The following SYN2 variants were observed in gnomAD, a reference collection of about 807,000 sequenced individuals.
SYN2 encodes the protein synapsin-2.
SYN2 carries 19 observed loss-of-function variants against 50.9 expected under a neutral mutation model. The observed-to-expected ratio is 0.37, with a 90% CI of 0.26 to 0.55. The LOEUF (loss-of-function observed/expected upper bound fraction) is 0.55, where lower values mean the gene tolerates loss of function less well. SYN2 is among the 20% of genes least tolerant of loss of function. SYN2 has a pLI of 0.81. For synonymous variants in SYN2, 255 were observed against 224.9 expected (o/e 1.13, Z -1.20); for missense variants, 587 against 576.4 (o/e 1.02, Z -0.19).
chr3:12,115,720 A>G (rs1696418979), intron 1 of SYN2, among the ~76,000 whole-genome samples: 2 of 152,258 alleles, frequency 1.3e-5, no homozygotes, highest in Middle Eastern at 3.4e-3. Flanking sequence ...AATTTACATT[A>G]GGGTAAAAGA....
At chr3:12,189,302 T>A (rs1480437396) in intron 12 of SYN2, among the ~76,000 whole-genome samples, 3 of 152,220 alleles carry the variant, frequency 2.0e-5, no homozygotes, top group Admixed American at 2.0e-4. Flanking sequence ...GGCCTTGTGC[T>A]TCATGGTTTT....
intron 1 of SYN2, among the ~76,000 whole-genome samples, chr3:12,096,440 A>G (rs1695936167): frequency 1.3e-5 from 2 of 152,178 alleles, no homozygotes; most frequent in Admixed American, 1.3e-4. Flanking sequence ...CCAGAAGGAC[A>G]TCCTCACTAA....
intron 1 of SYN2, among the ~76,000 whole-genome samples, chr3:12,051,653 G>A (rs1051890574): frequency 6.6e-6 from 1 of 152,146 alleles, no homozygotes; most frequent in African/African-American, 2.4e-5. Context: ...TAGATCTCAG[G>A]TCTCTGAAAC....
chr3:12,058,353 A>T (rs902942525), intron 1 of SYN2, among the ~76,000 whole-genome samples: 19 of 152,194 alleles, frequency 1.2e-4, no homozygotes, highest in African/African-American at 4.6e-4. Flanking sequence ...CTGTGTGTAT[A>T]TATAGGACTA....
At chr3:12,128,398 A>G (rs1321482953) in intron 1 of SYN2, among the ~76,000 whole-genome samples, 1 of 152,156 alleles carries the variant, frequency 6.6e-6, no homozygotes, top group Non-Finnish European at 1.5e-5. Context: ...TCTTGCTCTA[A>G]GGAGGCAGCA....
chr3:12,158,563 C>T lies in SYN2; in HGVS notation c.775-2983C>T. ...GTTGCTATGGCGCCTGGTCCTTCTC[C>T]ACCCATCAGCCTCAGCAAGAGACAA... is the stretch of plus-strand genomic sequence containing the variant. On this transcript the variant is annotated intron_variant, in intron 5 of 12. Transcript: ENST00000621198. The T allele has an allele frequency of 7.0e-6, 9 of 1,294,304 alleles. 1 individual carries two copies. The South Asian group carries it at 8.5e-5, about 12-fold the overall frequency. 80.2% of individuals were successfully genotyped at this position (1,294,304 alleles called of 1,614,324 possible). A position where few individuals can be genotyped will look rare whatever the true frequency, so the allele number is the denominator to read the frequency against.
At position 12,060,541 on chromosome 3, in the gene SYN2, T is replaced by C. The variant is rs75811642; in HGVS notation, c.377+55613T>C. Among the ~76,000 whole-genome samples, 67 of 152,258 alleles carry C rather than the reference T, an allele frequency of 4.4e-4. 1 individual carries two copies. In the East Asian group the frequency reaches 0.013, roughly 29 times the overall value. On this transcript the variant is annotated intron_variant, in intron 1 of 12. Coordinates refer to ENST00000621198, the MANE Select transcript of SYN2 (RefSeq NM_133625.6). Reference sequence around the variant, plus strand: ...ATTTAATCGTAAGATAGCAGAATGCTTCCTTTCCCCCAACATCTTACCACC... The same window carrying C: ...ATTTAATCGTAAGATAGCAGAATGCCTCCTTTCCCCCAACATCTTACCACC...
intron 1 of SYN2, among the ~76,000 whole-genome samples, chr3:12,084,716 A>T (rs964375082): frequency 6.6e-6 from 1 of 152,236 alleles, no homozygotes; most frequent in African/African-American, 2.4e-5. Context: ...CTGTTAAGGG[A>T]TACACATTAT....
chr3:12,182,318 C>T (rs191183934), intron 10 of SYN2, among the ~76,000 whole-genome samples: 14 of 152,270 alleles, frequency 9.2e-5, no homozygotes, highest in East Asian at 3.9e-4. Flanking sequence ...TTTTAGCCAC[C>T]GCCTTGCCTT....
chr3:12,130,076 A>C (rs999476295), intron 1 of SYN2, among the ~76,000 whole-genome samples: 60 of 152,248 alleles, frequency 3.9e-4, no homozygotes, highest in African/African-American at 1.4e-3. Flanking sequence ...CAGATCTGTG[A>C]GAAATAAATG....
chr3:12,184,623 TG>T (rs879820300), intron 11 of SYN2: 36 of 985,816 alleles, frequency 3.7e-5, no homozygotes, highest in Non-Finnish European at 4.0e-5. Context: ...TTCTCTTTCC[TG>T]GGAGGAACTG....
intron 1 of SYN2, among the ~76,000 whole-genome samples, chr3:12,115,112 A>C (rs1157402435): frequency 2.0e-5 from 3 of 152,168 alleles, no homozygotes; most frequent in Non-Finnish European, 1.5e-5. Context: ...GCATTTTTGC[A>C]GAAAGAAAAC....
intron 1 of SYN2, among the ~76,000 whole-genome samples, chr3:12,046,948 A>G (rs167408): frequency 0.89 from 135,153 of 152,124 alleles, 60,341 homozygotes; most frequent in East Asian, 0.97. Context: ...TTGAAGTGCC[A>G]ATGAGACAAT....
chr3:12,065,086 C>T (rs969826290), intron 1 of SYN2, among the ~76,000 whole-genome samples: 22 of 152,174 alleles, frequency 1.4e-4, no homozygotes, highest in Admixed American at 9.2e-4. Context: ...ACCTTGGAAA[C>T]GTTATGCTAA....
At chr3:12,124,148 AAAT>A (rs1198234173) in intron 1 of SYN2, among the ~76,000 whole-genome samples, 1 of 152,200 alleles carries the variant, frequency 6.6e-6, no homozygotes, top group African/African-American at 2.4e-5. Flanking sequence ...ATTGAGCAAA[AAAT>A]GTTGGTAAAC....
At chr3:12,046,733 T>A (rs780877399) in intron 1 of SYN2, among the ~76,000 whole-genome samples, 4 of 152,134 alleles carry the variant, frequency 2.6e-5, no homozygotes, top group African/African-American at 4.8e-5. Flanking sequence ...AGAGTTGGAA[T>A]AATATAAGAA....
intron 10 of SYN2, among the ~76,000 whole-genome samples, chr3:12,178,423 G>A (rs1189753322): frequency 1.3e-5 from 2 of 152,154 alleles, no homozygotes; most frequent in African/African-American, 4.8e-5. Flanking sequence ...GCCACAGGAT[G>A]GCATTTTAAA....
At chr3:12,038,532 T>G (rs1001700500) in intron 1 of SYN2, among the ~76,000 whole-genome samples, 1 of 152,202 alleles carries the variant, frequency 6.6e-6, no homozygotes, top group African/African-American at 2.4e-5. Flanking sequence ...TATTAAATAT[T>G]ACAATCCATG....
intron 1 of SYN2, among the ~76,000 whole-genome samples, chr3:12,125,854 A>C (rs1440856508): frequency 1.3e-5 from 2 of 151,694 alleles, no homozygotes; most frequent in East Asian, 3.9e-4. Context: ...AAAAAAAAAA[A>C]AAACCCACAA....
Sources: gnomAD v4.1 joint callset for allele counts (sites outside exome capture counted in the v4.1 genomes callset) on GRCh38, gnomAD v4.1.1 for gene constraint, MANE v1.5 for transcripts, NCBI Gene and HGNC (gene_info 2026-07-23, HGNC 2026-07-21) for gene names.